PRSS23: variants seen among roughly 807,000 people sequenced by gnomAD.
The protein encoded by PRSS23 is protease, serine 23.
A neutral mutation model predicts 34.7 loss-of-function variants in PRSS23; 25 were observed. The observed-to-expected ratio is 0.72, with a 90% CI of 0.53 to 1.01. The LOEUF (loss-of-function observed/expected upper bound fraction) is 1.01, where lower values mean the gene tolerates loss of function less well. Among genes scored for constraint, PRSS23 ranks in the 50% least tolerant of loss-of-function variants. The probability of loss-of-function intolerance (pLI) is 0.00; values close to 1 mark genes in which losing one functional copy is unlikely to be tolerated. For missense variants in PRSS23, 445 were observed against 475.6 expected, an observed-to-expected ratio of 0.94 and a Z score of 0.60; for synonymous variants, 176 against 186.6, an observed-to-expected ratio of 0.94 and a Z score of 0.46.
At chr11:86,911,761 AGTGTGTGTGTGTGT>A (rs55775295) in intron 2 of PRSS23, 6 of 151,220 alleles carry the variant, frequency 4.0e-5, no homozygotes, top group African/African-American at 1.5e-4. Flanking sequence ...AACGAAGTGG[AGTGTGTGTGTGTGT>A]GTGTGTGTGT....
chr11:86,939,432 T>TTTAAAA (rs1555084024), intron 2 of PRSS23, among the ~76,000 whole-genome samples: 1 of 111,630 alleles, frequency 9.0e-6, no homozygotes, highest in Admixed American at 9.8e-5. Context: ...ATATATTTTT[T>TTTAAAA]AACATGAGTA....
chr11:86,905,744 A>T (rs1279174789), intron 2 of PRSS23, among the ~76,000 whole-genome samples: 1 of 152,190 alleles, frequency 6.6e-6, no homozygotes, highest in Non-Finnish European at 1.5e-5. Flanking sequence ...GCAGGAATAG[A>T]CGTCTGAGTC....
intron 2 of PRSS23, among the ~76,000 whole-genome samples, chr11:86,915,582 A>C (rs1949006504): frequency 6.7e-6 from 1 of 148,202 alleles, no homozygotes; most frequent in African/African-American, 2.4e-5. Context: ...GTATATAAGT[A>C]ATATATATAT....
chr11:86,843,524 T>C (rs1363204082), intron 2 of PRSS23, among the ~76,000 whole-genome samples: 2 of 152,198 alleles, frequency 1.3e-5, no homozygotes, highest in African/African-American at 4.8e-5. Context: ...TCTATCCATC[T>C]GACAAAGGGC....
At chr11:86,838,841 T>C (rs1217341298) in intron 2 of PRSS23, among the ~76,000 whole-genome samples, 1 of 152,132 alleles carries the variant, frequency 6.6e-6, no homozygotes, top group African/African-American at 2.4e-5. Flanking sequence ...GCAAACAGGT[T>C]CTGGAATCGA....
downstream of PRSS23, among the ~76,000 whole-genome samples, chr11:86,813,464 T>C (rs1328671360): frequency 6.6e-6 from 1 of 152,168 alleles, no homozygotes; most frequent in African/African-American, 2.4e-5. Context: ...TCTGTCAAGG[T>C]CTTTTTAATT....
At chr11:86,823,211 T>A (rs1158690890) in intron 1 of PRSS23, 1 of 603,486 alleles carries the variant, frequency 1.7e-6, no homozygotes, top group Non-Finnish European at 2.9e-6. Context: ...TTCCTATTTC[T>A]TTTACTTTAG....
intron 2 of PRSS23, among the ~76,000 whole-genome samples, chr11:86,861,599 T>C (rs1455641919): frequency 6.6e-6 from 1 of 151,828 alleles, no homozygotes; most frequent in African/African-American, 2.4e-5. Flanking sequence ...GTGATATTGT[T>C]CGTACTATCC....
intron 2 of PRSS23, chr11:86,934,191 C>T (rs867714754): frequency 4.6e-5 from 7 of 152,188 alleles, no homozygotes; most frequent in Non-Finnish European, 7.3e-5. Context: ...AGCCAAAACT[C>T]AAACCCATAC....
intron 2 of PRSS23, among the ~76,000 whole-genome samples, chr11:86,906,623 T>C (rs1948944887): frequency 6.6e-6 from 1 of 152,156 alleles, no homozygotes; most frequent in South Asian, 2.1e-4. Flanking sequence ...ACCCTGCATT[T>C]CCCAGAGGTA....
intron 1 of PRSS23, among the ~76,000 whole-genome samples, chr11:86,793,027 TG>T (rs1192273439): frequency 6.6e-6 from 1 of 152,206 alleles, no homozygotes; most frequent in Non-Finnish European, 1.5e-5. Flanking sequence ...AGCTAATTTT[TG>T]TATTTTTTTG....
intron 2 of PRSS23, among the ~76,000 whole-genome samples, chr11:86,926,345 A>G (rs1454514784): frequency 6.6e-6 from 1 of 152,230 alleles, no homozygotes; most frequent in Non-Finnish European, 1.5e-5. Flanking sequence ...ACTAGGTGAC[A>G]AGAACGAGAC....
chr11:86,816,986 G>A (rs1389903502), intron 1 of PRSS23, among the ~76,000 whole-genome samples: 1 of 152,174 alleles, frequency 6.6e-6, no homozygotes, highest in African/African-American at 2.4e-5. Context: ...TTATTTATAA[G>A]ACCCACTTTT....
intron 2 of PRSS23, among the ~76,000 whole-genome samples, chr11:86,861,030 G>A (rs752045277): frequency 4.9e-4 from 74 of 151,638 alleles, no homozygotes; most frequent in Non-Finnish European, 7.1e-4. Context: ...TCCCAATATC[G>A]CAGGAGGTGT....
intron 1 of PRSS23, among the ~76,000 whole-genome samples, chr11:86,805,783 G>A (rs34230071): frequency 6.6e-6 from 1 of 152,214 alleles, no homozygotes. Context: ...AGATCATTGG[G>A]ATTTTCTACT....
chr11:86,872,162 T>C (rs1939099), intron 2 of PRSS23, among the ~76,000 whole-genome samples: 86,487 of 151,644 alleles, frequency 0.57, 25,595 homozygotes, highest in African/African-American at 0.74. Context: ...GGGGATTAAA[T>C]GTGATAATGT....
chr11:86,859,591 G>T (rs1392555545), intron 2 of PRSS23, among the ~76,000 whole-genome samples: 2 of 151,914 alleles, frequency 1.3e-5, no homozygotes, highest in Non-Finnish European at 2.9e-5. Context: ...GAGGGGGGAA[G>T]GATGATATTA....
intron 2 of PRSS23, among the ~76,000 whole-genome samples, chr11:86,899,537 C>G (rs1429323229): frequency 6.7e-6 from 1 of 148,406 alleles, no homozygotes; most frequent in African/African-American, 2.5e-5. Context: ...TTTTTTGAGA[C>G]AGAGTCTCGC....
At chr11:86,896,842 C>T (rs1948880098) in intron 2 of PRSS23, among the ~76,000 whole-genome samples, 1 of 152,244 alleles carries the variant, frequency 6.6e-6, no homozygotes, top group African/African-American at 2.4e-5. Flanking sequence ...CTAACACTTT[C>T]CTGCCTGGAA....
Sources: gnomAD v4.1 joint callset for allele counts (sites outside exome capture counted in the v4.1 genomes callset) on GRCh38, gnomAD v4.1.1 for gene constraint, MANE v1.5 for transcripts, NCBI Gene and HGNC (gene_info 2026-07-23, HGNC 2026-07-21) for gene names.